LRRC9: variants seen among roughly 807,000 people sequenced by gnomAD.
LRRC9 encodes leucine-rich repeat-containing protein 9.
Under a neutral mutation model 63.2 loss-of-function variants are expected in LRRC9, and 122 were observed. That is an observed-to-expected ratio of 1.93 (90% CI 1.67 to 2.24). The LOEUF (loss-of-function observed/expected upper bound fraction) is 2.24, where lower values mean the gene tolerates loss of function less well. Ranked by LOEUF, LRRC9 falls within the 30% of genes most tolerant of loss-of-function variation. The pLI is 0.00. For synonymous variants in LRRC9, 366 were observed against 213.1 expected, an observed-to-expected ratio of 1.72 and a Z score of -6.25; for missense variants, 1,071 against 627.7, an observed-to-expected ratio of 1.71 and a Z score of -7.55.
chr14:59,975,113 G>A (rs192883424), intron 13 of LRRC9, among the ~76,000 whole-genome samples: 2,495 of 13,498 alleles, frequency 0.18, 469 homozygotes, highest in African/African-American at 0.26. Flanking sequence ...ATATATATAT[G>A]TATATATATA....
chr14:59,960,940 T>C (rs1483106011), exon 10 of LRRC9: 1 of 685,164 alleles, frequency 1.5e-6, no homozygotes, highest in African/African-American at 1.8e-5. Flanking sequence ...CATATTGAAG[T>C]AAAACAAAAG....
intron 27 of LRRC9, among the ~76,000 whole-genome samples, chr14:60,026,347 T>C (rs1462802882): frequency 6.6e-6 from 1 of 152,100 alleles, no homozygotes; most frequent in Non-Finnish European, 1.5e-5. Context: ...GTATTTCCCT[T>C]ATGATTAGTA....
intron 19 of LRRC9, 136 bp from the exon 20 acceptor site, chr14:60,001,830 A>G (rs1208449708): frequency 2.3e-6 from 1 of 438,678 alleles, no homozygotes; most frequent in African/African-American, 2.0e-5. Flanking sequence ...AAAACAATTT[A>G]AGGCAAAGGA....
intron 29 of LRRC9, among the ~76,000 whole-genome samples, chr14:60,036,145 C>T (rs1420542028): frequency 1.3e-5 from 2 of 152,116 alleles, no homozygotes; most frequent in South Asian, 4.1e-4. Flanking sequence ...GGTCCCATCA[C>T]AAGGACCCCA....
At chr14:59,968,797 C>T (rs1267971139) in intron 12 of LRRC9, among the ~76,000 whole-genome samples, 1 of 152,170 alleles carries the variant, frequency 6.6e-6, no homozygotes, top group Non-Finnish European at 1.5e-5. Flanking sequence ...TTATCTTCTG[C>T]ATCTCCTAAA....
At chr14:59,971,474 C>T (rs1885497867) in intron 12 of LRRC9, among the ~76,000 whole-genome samples, 1 of 151,990 alleles carries the variant, frequency 6.6e-6, no homozygotes, top group South Asian at 2.1e-4. Context: ...AAGAATGTCA[C>T]TGTTAGTTTG....
At chr14:59,995,778 C>G (rs930934914) in intron 17 of LRRC9, among the ~76,000 whole-genome samples, 1 of 151,318 alleles carries the variant, frequency 6.6e-6, no homozygotes, top group Non-Finnish European at 1.5e-5. Context: ...GAATGTTGCT[C>G]TATAGCCAGG....
Position 59,966,962 on chromosome 14 carries a change from G to T in LRRC9, c.1389-134G>T. The T allele has an allele frequency of 1.9e-6, 1 of 538,308 alleles. No individual in the cohort carries two copies. The highest frequency in any genetic ancestry group is 2.9e-5 in the South Asian group (1 of 34,650). The allele number at this position is 538,308 out of a possible 1,614,324, so 33.3% of individuals were successfully genotyped here. Reference sequence around the variant, plus strand: ...CCTGTTTTTGAGGTTGAAGGCAGGGGAGCTATTAATAATGACACTAGAACA... The same window carrying T: ...CCTGTTTTTGAGGTTGAAGGCAGGGTAGCTATTAATAATGACACTAGAACA... On this transcript the variant is annotated intron_variant, in intron 11 of 31. Transcript: ENST00000445360. The surrounding 1 kb of genome is among the most constrained non-coding windows in gnomAD (Gnocchi z 4.0).
downstream of LRRC9, among the ~76,000 whole-genome samples, chr14:60,064,045 C>T (rs894145201): frequency 1.3e-5 from 2 of 152,034 alleles, no homozygotes; most frequent in South Asian, 2.1e-4. Context: ...AAAAAGCGTC[C>T]GATTTCAAAT....
rs547063541 is a variant in LRRC9 at position 60,051,308 on chromosome 14, G to A, written c.3991-1757G>A. On this transcript the variant is annotated intron_variant, in intron 29 of 31. Coordinates refer to ENST00000445360, the Ensembl canonical transcript of LRRC9. The surrounding 1 kb of genome is among the most constrained non-coding windows in gnomAD (Gnocchi z 4.7). ...TCCAGGCCCCCCACAAGGGGGCCCC[G>A]CCCAGTGAGGAAGAATGGATCAGGG... is the stretch of plus-strand genomic sequence containing the variant. Among the ~76,000 whole-genome samples the A allele has an allele frequency of 1.8e-3, 273 of 152,276 alleles. 2 individuals are homozygous for A. The highest frequency in any genetic ancestry group is 0.014 in the Admixed American group (213 of 15,302).
chr14:59,970,420 G>A (rs973932992), intron 12 of LRRC9, among the ~76,000 whole-genome samples: 23 of 152,230 alleles, frequency 1.5e-4, no homozygotes, highest in African/African-American at 4.6e-4. Context: ...ATGATAGAAC[G>A]ATTTATATTC....
intron 21 of LRRC9, among the ~76,000 whole-genome samples, chr14:60,005,076 G>T (rs1387526789): frequency 1.3e-5 from 2 of 152,014 alleles, no homozygotes; most frequent in Non-Finnish European, 2.9e-5. Context: ...TCATAAAATA[G>T]AAGATTTGAT....
chr14:59,980,128 A>G (rs1886772453), intron 15 of LRRC9, among the ~76,000 whole-genome samples: 1 of 152,126 alleles, frequency 6.6e-6, no homozygotes, highest in African/African-American at 2.4e-5. Flanking sequence ...ATTTTCTTAC[A>G]ATACTTATAT....
chr14:60,013,641 C>T (rs77830781), intron 23 of LRRC9, among the ~76,000 whole-genome samples: 2,715 of 151,976 alleles, frequency 0.018, 75 homozygotes, highest in African/African-American at 0.062. Context: ...GGTGGACTGA[C>T]CGTTTTATCA....
In LRRC9 at chr14:60,022,714, A is replaced by G. The variant is rs936632434; in HGVS notation, c.3567-20A>G. On this transcript the variant is annotated intron_variant, in intron 26 of 31. Transcript: ENST00000445360. ...GTTTGAAGTTAAGTTTATGGCCTCA[A>G]ACTTACCTATGTGTTTCAGAGATAT... is the stretch of plus-strand genomic sequence containing the variant. The G allele has an allele frequency of 5.2e-6, 3 of 579,408 alleles. No individual in the cohort carries two copies. Among genetic ancestry groups the G allele is most frequent in the Admixed American group, 2.6e-5 (1 of 39,002 alleles). 35.9% of individuals were successfully genotyped at this position (579,408 alleles called of 1,614,324 possible).
At chr14:59,980,040 G>C (rs1206015463) in intron 15 of LRRC9, among the ~76,000 whole-genome samples, 2 of 151,872 alleles carry the variant, frequency 1.3e-5, no homozygotes, top group Admixed American at 1.3e-4. Flanking sequence ...TAAGAGGTCA[G>C]CTCTCTCTCT....
At chr14:60,038,207 C>A (rs1003529652) in intron 29 of LRRC9, among the ~76,000 whole-genome samples, 2 of 152,140 alleles carry the variant, frequency 1.3e-5, no homozygotes, top group East Asian at 1.9e-4. Context: ...CGTGATGCCT[C>A]CAGCTTTGTT....
intron 29 of LRRC9, among the ~76,000 whole-genome samples, chr14:60,038,945 G>C (rs1892691828): frequency 6.6e-6 from 1 of 152,134 alleles, no homozygotes. Flanking sequence ...CGTCCCATCA[G>C]TACCTAGTTT....
chr14:60,043,713 G>C (rs899076224), intron 29 of LRRC9, among the ~76,000 whole-genome samples: 4 of 142,490 alleles, frequency 2.8e-5, no homozygotes, highest in African/African-American at 1.1e-4. Context: ...GAAGATTTTT[G>C]CATCTATATT....
Sources: allele counts gnomAD v4.1 joint callset (sites outside exome capture counted in the v4.1 genomes callset), GRCh38; gene constraint gnomAD v4.1.1; non-coding constraint Gnocchi (gnomAD v3.1); transcripts MANE v1.5; gene names NCBI Gene and HGNC (gene_info 2026-07-23, HGNC 2026-07-21).